The following PTCHD4 variants were observed in gnomAD, a reference collection of about 807,000 sequenced individuals.
PTCHD4 encodes the protein patched domain containing 4.
A neutral mutation model predicts 58.1 loss-of-function variants in PTCHD4; 33 were observed. The observed-to-expected ratio is 0.57, with a 90% CI of 0.43 to 0.76. The LOEUF (loss-of-function observed/expected upper bound fraction) is 0.76. PTCHD4 is among the 30% of genes least tolerant of loss of function. The probability of loss-of-function intolerance (pLI) is 0.00; values close to 1 mark genes in which losing one functional copy is unlikely to be tolerated. For synonymous variants in PTCHD4, 478 were observed against 409.6 expected, an observed-to-expected ratio of 1.17 and a Z score of -2.02; for missense variants, 1,058 against 1,027.1, an observed-to-expected ratio of 1.03 and a Z score of -0.41.
chr6:47,898,096 C>T (rs534455690), intron 4 of PTCHD4, among the ~76,000 whole-genome samples: 1 of 151,940 alleles, frequency 6.6e-6, no homozygotes, highest in Admixed American at 6.5e-5. Flanking sequence ...AGGCGTGTGC[C>T]ACCACACCCG....
In PTCHD4 at chr6:47,878,458, G is replaced by A. The variant is rs540394005; in HGVS notation, c.2377C>T (p.Leu793Phe). ...GGTAAAATAACAAAACAGTGCAGAA[G>A]TGTGCAACCCCCAGTGAGCAGCAAG... The part of the protein sequence containing the change: ...KCLLLTGGCT[L>F]LHCFVILPVF... Residue 793 changes from leucine to phenylalanine, a missense_variant, in exon 5 of 5, where the codon CTT becomes TTT. By Grantham distance (22) the Leu-to-Phe change is conservative. Coordinates refer to ENST00000339488, the MANE Select transcript of PTCHD4 (RefSeq NM_001384253.1). 6.2e-7 allele frequency: 1 copy of A among 1,613,504 alleles called. No homozygotes were observed. Among genetic ancestry groups the A allele is most frequent in the South Asian group, 1.1e-5 (1 of 91,066 alleles).
At chr6:47,901,512 C>CTATA in intron 4 of PTCHD4, 1 of 988,228 alleles carries the variant, frequency 1.0e-6, no homozygotes, top group African/African-American at 1.7e-5. Context: ...TAGGAAAGTA[C>CTATA]CTATATGATT....
rs145515188 is a variant in PTCHD4, at chr6:47,970,454, C to T, written c.898+38180G>A. 1.1e-4 allele frequency among the ~76,000 whole-genome samples: 17 copies of T among 152,106 alleles called. No homozygotes were observed. The East Asian group carries it at 1.7e-3, about 16-fold the overall frequency. ...AATCTTAGAAAAATGCAAGAATTTG[C>T]GGCAAGCTGGATCTCAGGAGGTAAG... is the stretch of plus-strand genomic sequence containing the variant. On this transcript the variant is annotated intron_variant, in intron 4 of 4. Coordinates refer to ENST00000339488, the MANE Select transcript of PTCHD4 (RefSeq NM_001384253.1).
intron 3 of PTCHD4, among the ~76,000 whole-genome samples, chr6:48,019,678 C>T (rs1310629993): frequency 6.6e-6 from 1 of 150,738 alleles, no homozygotes; most frequent in Non-Finnish European, 1.5e-5. Flanking sequence ...GGAGCTTGCA[C>T]TGAGCTGAGA....
chr6:48,110,935 G>A (rs969126919), intron 1 of PTCHD4, among the ~76,000 whole-genome samples, 114 bp downstream of exon 1: 73 of 151,688 alleles, frequency 4.8e-4, no homozygotes, highest in African/African-American at 1.7e-3. Context: ...CTTTAATAAA[G>A]GTTTACAGAA....
At position 47,868,274 on chromosome 6, in the gene PTCHD4, T is replaced by C. The variant is rs1023914115; in HGVS notation, c.*10029A>G. On this transcript the variant is annotated 3_prime_UTR_variant, in exon 5 of 5. Coordinates refer to ENST00000339488, the MANE Select transcript of PTCHD4 (RefSeq NM_001384253.1). ...CCTTATTTTACTATCAAGATGTGTA[T>C]AGCTCTAGGTTGTAGCATTTCAACT... 1.2e-4 allele frequency among the ~76,000 whole-genome samples: 18 copies of C among 151,688 alleles called. No individual in the cohort carries two copies. Among genetic ancestry groups the C allele is most frequent in the African/African-American group, 4.1e-4 (17 of 41,376 alleles).
chr6:48,069,990 G>T (rs1429346953), intron 1 of PTCHD4, among the ~76,000 whole-genome samples, 64 bp from the exon 2 acceptor site: 1 of 151,918 alleles, frequency 6.6e-6, no homozygotes, highest in African/African-American at 2.4e-5. Flanking sequence ...AAAAAACAGT[G>T]AACCTCCTTC....
At position 47,862,775 on chromosome 6, in the gene PTCHD4, C is replaced by T. The variant is rs1247990753; in HGVS notation, c.*15528G>A. On this transcript the variant is annotated 3_prime_UTR_variant, in exon 5 of 5. Coordinates refer to ENST00000339488, the MANE Select transcript of PTCHD4 (RefSeq NM_001384253.1). Reference sequence around the variant, plus strand: ...TGATTTCCACACAGACCCATTAATACTGTTTCCTTTGGAATTGTAATACTC... The same window carrying T: ...TGATTTCCACACAGACCCATTAATATTGTTTCCTTTGGAATTGTAATACTC... Among the ~76,000 whole-genome samples the T allele has an allele frequency of 3.3e-5, 5 of 151,830 alleles. No individual in the cohort carries two copies. The East Asian group carries it at 9.7e-4, about 29-fold the overall frequency.
In PTCHD4 at chr6:47,997,691, T is replaced by G. The variant is rs1581993109; in HGVS notation, c.898+10943A>C. 3.3e-5 allele frequency among the ~76,000 whole-genome samples: 5 copies of G among 152,310 alleles called. No homozygotes were observed. The South Asian group carries it at 1.0e-3, about 32-fold the overall frequency. ...ATTAGAATTTTGTCTTGGTCTGGAT[T>G]AAGACATTACTCAATCATTAACAAA... On this transcript the variant is annotated intron_variant, in intron 4 of 4. Coordinates refer to ENST00000339488, the MANE Select transcript of PTCHD4 (RefSeq NM_001384253.1).
chr6:48,010,512 T>C (rs1449551071), intron 3 of PTCHD4, among the ~76,000 whole-genome samples: 1 of 151,818 alleles, frequency 6.6e-6, no homozygotes, highest in Non-Finnish European at 1.5e-5. Flanking sequence ...TGAGAGTGTG[T>C]TGCAAACACA....
rs554037781 is a variant in PTCHD4 at position 48,096,037 on chromosome 6, T to C, written c.-970+15012A>G. Among the ~76,000 whole-genome samples, 6 of 152,312 alleles carry C rather than the reference T, an allele frequency of 3.9e-5. No homozygotes were observed. In the South Asian group the frequency reaches 1.2e-3, roughly 32 times the overall value. ...TATGGGGAAGCAATGATGAATAGGA[T>C]ATGGTCTCTTCTCTAGAAGCTTCTG... is the stretch of plus-strand genomic sequence containing the variant. On this transcript the variant is annotated intron_variant, in intron 1 of 4. Coordinates refer to ENST00000339488, the MANE Select transcript of PTCHD4 (RefSeq NM_001384253.1).
intron 4 of PTCHD4, among the ~76,000 whole-genome samples, chr6:47,914,227 G>C (rs1765159142): frequency 6.6e-6 from 1 of 152,034 alleles, no homozygotes; most frequent in Non-Finnish European, 1.5e-5. Context: ...TTTTCTTACT[G>C]TCATTGTGAC....
At chr6:47,917,045 G>GACA (rs1217037426) in intron 4 of PTCHD4, among the ~76,000 whole-genome samples, 115 of 152,056 alleles carry the variant, frequency 7.6e-4, no homozygotes, top group Non-Finnish European at 1.1e-3. Context: ...ACATATAGTG[G>GACA]ACAACTTTGT....
At chr6:48,064,480 A>T (rs1310173111) in intron 3 of PTCHD4, among the ~76,000 whole-genome samples, 1 of 152,168 alleles carries the variant, frequency 6.6e-6, no homozygotes, top group Non-Finnish European at 1.5e-5. Context: ...ACAACATGTT[A>T]AGTATTTTAC....
intron 4 of PTCHD4, among the ~76,000 whole-genome samples, chr6:47,894,890 G>A (rs569397148): frequency 6.6e-6 from 1 of 152,330 alleles, no homozygotes; most frequent in South Asian, 2.1e-4. Flanking sequence ...CCAGCACTTT[G>A]GGAGGCTGAG....
At chr6:48,108,426 G>A (rs1276088698) in intron 1 of PTCHD4, among the ~76,000 whole-genome samples, 1 of 151,984 alleles carries the variant, frequency 6.6e-6, no homozygotes, top group East Asian at 1.9e-4. Flanking sequence ...CACAGGAAGG[G>A]GAACATCACA....
At chr6:47,981,803 G>C (rs1198112640) in intron 4 of PTCHD4, among the ~76,000 whole-genome samples, 4 of 152,112 alleles carry the variant, frequency 2.6e-5, no homozygotes, top group African/African-American at 9.7e-5. Context: ...GGACACAAAT[G>C]GTTTGTGGAG....
chr6:47,901,485 C>G, intron 4 of PTCHD4: 1 of 980,672 alleles, frequency 1.0e-6, no homozygotes, highest in Non-Finnish European at 1.2e-6. Context: ...CACATCTAAA[C>G]TTCATCAGTC....
intron 4 of PTCHD4, among the ~76,000 whole-genome samples, chr6:48,005,659 CTCTG>C (rs1380948061): frequency 6.6e-6 from 1 of 152,180 alleles, no homozygotes; most frequent in Non-Finnish European, 1.5e-5. Context: ...TTCTAAGCCT[CTCTG>C]TCTCTCTCTT....
Sources: allele counts gnomAD v4.1 joint callset (sites outside exome capture counted in the v4.1 genomes callset), GRCh38; gene constraint gnomAD v4.1.1; transcripts MANE v1.5; gene names NCBI Gene and HGNC (gene_info 2026-07-23, HGNC 2026-07-21).